The following LRRC36 variants were observed in gnomAD, a reference collection of about 807,000 sequenced individuals.
The protein encoded by LRRC36 is leucine-rich repeat-containing protein 36.
In LRRC36, 62 loss-of-function variants were observed where a neutral mutation model predicts 81.1. The ratio of observed to expected loss-of-function variants is 0.76; its 90% CI spans 0.62 to 0.94. The LOEUF is 0.94. LRRC36 is among the 40% of genes least tolerant of loss of function. The pLI, the probability that LRRC36 is intolerant of heterozygous loss-of-function variation, is 0.00. For synonymous variants in LRRC36, 334 were observed against 348.6 expected (o/e 0.96, Z 0.47); for missense variants, 761 against 881.7 (o/e 0.86, Z 1.73).
At chr16:67,378,350 C>T (rs2039987802) in intron 11 of LRRC36, among the ~76,000 whole-genome samples, 1 of 150,608 alleles carries the variant, frequency 6.6e-6, no homozygotes, top group African/African-American at 2.5e-5. Context: ...AGCAATTCTC[C>T]TGTCTCAGCC....
At chr16:67,353,990 T>C (rs974950709) in intron 5 of LRRC36, among the ~76,000 whole-genome samples, 1 of 152,206 alleles carries the variant, frequency 6.6e-6, no homozygotes, top group African/African-American at 2.4e-5. Context: ...CAAAAACTTC[T>C]CTGGCTCCCA....
At chr16:67,350,961 C>T (rs571284500) in intron 5 of LRRC36, among the ~76,000 whole-genome samples, 2 of 152,150 alleles carry the variant, frequency 1.3e-5, no homozygotes, top group Non-Finnish European at 2.9e-5. Context: ...TCACTTGAAC[C>T]TGGGAGGCAG....
chr16:67,337,981 G>A (rs2037844415), intron 1 of LRRC36, among the ~76,000 whole-genome samples: 1 of 152,030 alleles, frequency 6.6e-6, no homozygotes, highest in African/African-American at 2.4e-5. Context: ...CTACTTGGGA[G>A]GCTGAGGCAG....
intron 4 of LRRC36, 84 bp from the exon 5 acceptor site, chr16:67,350,118 A>G (rs1216677584): frequency 7.7e-6 from 7 of 910,478 alleles, no homozygotes; most frequent in Non-Finnish European, 1.7e-6. Context: ...ATCACCATAG[A>G]CTGCTTTCTA....
intron 1 of LRRC36, among the ~76,000 whole-genome samples, chr16:67,341,396 G>T (rs2038075947): frequency 6.6e-6 from 1 of 150,634 alleles, no homozygotes; most frequent in Admixed American, 6.7e-5. Flanking sequence ...GAGTACCATT[G>T]TTACCCCCAT....
chr16:67,369,641 G>A (rs2039549417), intron 8 of LRRC36, among the ~76,000 whole-genome samples: 1 of 152,202 alleles, frequency 6.6e-6, no homozygotes, highest in African/African-American at 2.4e-5. Flanking sequence ...AGGTTTAATT[G>A]ACTCACAGTT....
chr16:67,375,319 C>T lies in LRRC36; in HGVS notation c.1567C>T (p.Pro523Ser). 3 of 1,612,788 alleles carry T rather than the reference C, an allele frequency of 1.9e-6. No homozygotes were observed. The highest frequency in any genetic ancestry group is 2.5e-6 in the Non-Finnish European group (3 of 1,179,694). ...NHSPPISART[P>S]HVATVLRQLL... ...CAGTCCCCCCATCTCTGCCAGAACC[C>T]CCCATGTGGCCACTGTCCTCAGACA... The change falls in exon 10 of 14, where the codon CCC becomes TCC. Residue 523 changes from proline to serine, a missense_variant. Around this residue, in one of 3 missense-constraint regions of LRRC36, gnomAD observed 359 missense variants for 388.4 expected, o/e 0.92. Coordinates refer to ENST00000329956, the MANE Select transcript of LRRC36 (RefSeq NM_018296.6).
At chr16:67,384,804 T>G in intron 13 of LRRC36, 66 bp from the exon 14 acceptor site, 1 of 1,198,254 alleles carries the variant, frequency 8.3e-7, no homozygotes, top group Non-Finnish European at 1.2e-6. Flanking sequence ...GGGAGACATT[T>G]TGGGTCTGCA....
At chr16:67,363,843 A>T (rs2039270457) in intron 6 of LRRC36, 129 bp downstream of exon 6, 1 of 899,230 alleles carries the variant, frequency 1.1e-6, no homozygotes. Flanking sequence ...ACCCTTTTAA[A>T]GGAAAGGGCA....
At chr16:67,346,790 T>G (rs1204298297) in intron 3 of LRRC36, among the ~76,000 whole-genome samples, 2 of 152,170 alleles carry the variant, frequency 1.3e-5, no homozygotes, top group East Asian at 1.9e-4. Context: ...TACAATTTAT[T>G]TGGGGGCTTA....
At chr16:67,354,009 C>A (rs1220719115) in intron 5 of LRRC36, among the ~76,000 whole-genome samples, 2 of 152,184 alleles carry the variant, frequency 1.3e-5, no homozygotes, top group Non-Finnish European at 2.9e-5. Flanking sequence ...CACTCCCCTA[C>A]TAAATTAAGT....
chr16:67,362,845 G>A (rs1332121699), intron 5 of LRRC36, among the ~76,000 whole-genome samples: 1 of 151,742 alleles, frequency 6.6e-6, no homozygotes, highest in Non-Finnish European at 1.5e-5. Context: ...TGGCACAGTC[G>A]TGGCTCACTG....
intron 5 of LRRC36, among the ~76,000 whole-genome samples, chr16:67,358,864 T>C (rs977071728): frequency 1.3e-5 from 2 of 151,896 alleles, no homozygotes; most frequent in East Asian, 1.9e-4. Context: ...CTAGGCCAAA[T>C]AGAATCTAAA....
chr16:67,369,099 G>A (rs1168473373), intron 8 of LRRC36, among the ~76,000 whole-genome samples: 1 of 152,230 alleles, frequency 6.6e-6, no homozygotes, highest in Non-Finnish European at 1.5e-5. Flanking sequence ...GTTTAGGGAA[G>A]AAGGTATGGC....
chr16:67,365,083 T>C (rs2039321984), intron 6 of LRRC36: 1 of 495,088 alleles, frequency 2.0e-6, no homozygotes, highest in African/African-American at 1.9e-5. Flanking sequence ...GTTTGCTATG[T>C]CCTTTACTTC....
At chr16:67,365,275 T>A in intron 6 of LRRC36, 29 bp from the exon 7 acceptor site, 1 of 1,565,878 alleles carries the variant, frequency 6.4e-7, no homozygotes, top group African/African-American at 1.4e-5. Context: ...ATGGACTTCC[T>A]TCTACCTAAA....
rs536760726 is a variant in LRRC36 at position 67,366,812 on chromosome 16, A to T, written c.755-205A>T. Among the ~76,000 whole-genome samples, 11 of 152,206 alleles carry T rather than the reference A, an allele frequency of 7.2e-5. No individual in the cohort carries two copies. The East Asian group carries it at 1.5e-3, about 21-fold the overall frequency. On this transcript the variant is annotated intron_variant, in intron 7 of 13. Coordinates refer to ENST00000329956, the MANE Select transcript of LRRC36 (RefSeq NM_018296.6). ...TATAGATTCTTTACTGTTTACACAA[A>T]AGTCCCACATTTTATTGGTGGTGGT...
chr16:67,332,496 G>A (rs1217734702), intron 1 of LRRC36, among the ~76,000 whole-genome samples: 1 of 152,172 alleles, frequency 6.6e-6, no homozygotes, highest in Non-Finnish European at 1.5e-5. Context: ...AGAGCTTGCA[G>A]TGTGCCAAGA....
intron 2 of LRRC36, among the ~76,000 whole-genome samples, chr16:67,343,526 C>A (rs903546034): frequency 6.6e-6 from 1 of 151,972 alleles, no homozygotes; most frequent in Non-Finnish European, 1.5e-5. Context: ...GAAACCCCGT[C>A]TCTACTAAAA....
Sources: gnomAD v4.1 joint callset for allele counts (sites outside exome capture counted in the v4.1 genomes callset) on GRCh38, gnomAD v4.1.1 for gene constraint, gnomAD v4.1.1 regional missense constraint, MANE v1.5 for transcripts, NCBI Gene and HGNC (gene_info 2026-07-23, HGNC 2026-07-21) for gene names.